The following IGSF9B variants were observed in gnomAD, a reference collection of about 807,000 sequenced individuals.
IGSF9B encodes protein turtle homolog B.
Under a neutral mutation model 143.7 loss-of-function variants are expected in IGSF9B, and 48 were observed. The observed-to-expected ratio is 0.33, with a 90% CI of 0.26 to 0.42. The LOEUF (loss-of-function observed/expected upper bound fraction) is 0.42. Among genes scored for constraint, IGSF9B ranks in the 20% least tolerant of loss-of-function variants. The pLI is 1.00. For missense variants in IGSF9B, 1,706 were observed against 1,980.0 expected (o/e 0.86, Z 2.63); for synonymous variants, 903 against 833.1 (o/e 1.08, Z -1.44).
At position 133,935,659 on chromosome 11, in the gene IGSF9B, G is replaced by A. The variant is rs1224659760; in HGVS notation, c.925C>T (p.Leu309=). ...GKYTCVPSNS[L]GRSPSASAYL... is the part of the protein sequence containing the mutation. ...GCCGAGGCGGAGGGGGAGCGCCCCA[G>A]GCTGTTGCTGGGCACACAGGTGTAC... The change falls in exon 7 of 20, where the codon CTG becomes TTG. Residue 309 remains leucine (L), a synonymous_variant. Coordinates refer to ENST00000533871, the MANE Select transcript of IGSF9B (RefSeq NM_001277285.4). The A allele has an allele frequency of 1.2e-6, 2 of 1,610,636 alleles. No homozygotes were observed. Among genetic ancestry groups the A allele is most frequent in the Admixed American group, 1.7e-5 (1 of 59,670 alleles).
intron 1 of IGSF9B, among the ~76,000 whole-genome samples, chr11:133,954,182 C>G (rs970137479): frequency 6.6e-6 from 1 of 152,084 alleles, no homozygotes; most frequent in African/African-American, 2.4e-5. Flanking sequence ...GCTGCTCACA[C>G]GAGCGGGCGC....
Position 133,931,423 on chromosome 11 carries a change from T to G in IGSF9B, c.1368+30A>C. The G allele has an allele frequency of 2.0e-6, 3 of 1,527,222 alleles. No homozygotes were observed. Among genetic ancestry groups the G allele is most frequent in the Non-Finnish European group, 2.7e-6 (3 of 1,104,892 alleles). The allele number at this position is 1,527,222 out of a possible 1,614,324, so 94.6% of individuals were successfully genotyped here. ...GGCTCCCTGGGCCCTCACACCTCCC[T>G]GCAGACCCAGGGCTCCAGGGCCCAG... is the stretch of plus-strand genomic sequence containing the variant. On this transcript the variant is annotated intron_variant, in intron 10 of 19. Coordinates refer to ENST00000533871, the MANE Select transcript of IGSF9B (RefSeq NM_001277285.4). This position sits in a 1 kb window ranked among gnomAD's most constrained non-coding sequence, Gnocchi z 7.7.
intron 13 of IGSF9B, 31 bp from the exon 14 acceptor site, chr11:133,925,996 G>C (rs186855810): frequency 6.7e-7 from 1 of 1,484,124 alleles, no homozygotes; most frequent in Middle Eastern, 1.7e-4. Flanking sequence ...GAACCACAGC[G>C]CATCAGCGAG....
intron 1 of IGSF9B, chr11:133,952,254 G>A (rs768295118): frequency 5.8e-6 from 2 of 342,394 alleles, no homozygotes; most frequent in South Asian, 4.5e-5. Flanking sequence ...TGGGGAATGG[G>A]CATAAGCTGC....
rs1287012867 is a variant in IGSF9B at position 133,905,385 on chromosome 11, GCTA to G, written c.*3681_*3683del. On this transcript the variant is annotated 3_prime_UTR_variant, in exon 20 of 20. Coordinates refer to ENST00000533871, the MANE Select transcript of IGSF9B (RefSeq NM_001277285.4). This position sits in a 1 kb window ranked among gnomAD's most constrained non-coding sequence, Gnocchi z 4.0. ...CCGTGAAATCTGTTTCTCCCTAGAA[GCTA>G]CTGTTTCGTCAACCTTGTCCCCCAC... Among the ~76,000 whole-genome samples the G allele has an allele frequency of 6.6e-6, 1 of 151,896 alleles. No homozygotes were observed. Among genetic ancestry groups the G allele is most frequent in the African/African-American group, 2.4e-5 (1 of 41,340 alleles).
intron 1 of IGSF9B, chr11:133,952,106 C>T (rs1234327330): frequency 4.4e-6 from 2 of 452,634 alleles, no homozygotes; most frequent in Middle Eastern, 6.5e-4. Flanking sequence ...CGCACTCGGA[C>T]TCTTTCTCCA....
At chr11:133,918,420 G>C (rs1055622911) in intron 18 of IGSF9B, among the ~76,000 whole-genome samples, 3 of 152,142 alleles carry the variant, frequency 2.0e-5, no homozygotes, top group African/African-American at 7.2e-5. Flanking sequence ...GCCGGAGCGT[G>C]GGGGAGGGAG....
At chr11:133,925,140 T>C (rs999874288) in intron 14 of IGSF9B, among the ~76,000 whole-genome samples, 3 of 152,140 alleles carry the variant, frequency 2.0e-5, no homozygotes, top group Non-Finnish European at 4.4e-5. Context: ...TGGGAAGAGA[T>C]ATGTACAACA....
rs1180289788 is a variant in IGSF9B, at chr11:133,901,967, AT to A, written c.*7101del. On this transcript the variant is annotated 3_prime_UTR_variant, in exon 20 of 20. Coordinates refer to ENST00000533871, the MANE Select transcript of IGSF9B (RefSeq NM_001277285.4). Reference sequence around the variant, plus strand: ...CACACATCACACACATGCACACCGCATCACACACATGCACACCAGACACATC... The same window carrying A: ...CACACATCACACACATGCACACCGCACACACACATGCACACCAGACACATC... Among the ~76,000 whole-genome samples the A allele has an allele frequency of 5.6e-5, 7 of 124,418 alleles. No individual in the cohort carries two copies. The highest frequency in any genetic ancestry group is 2.1e-4 in the African/African-American group (6 of 29,074). 81.6% of individuals were successfully genotyped at this position (124,418 alleles called of 152,430 possible). A position where few individuals can be genotyped will look rare whatever the true frequency, so the allele number is the denominator to read the frequency against.
chr11:133,927,189 G>A (rs1289412266), intron 12 of IGSF9B, 98 bp from the exon 13 acceptor site: 1 of 985,386 alleles, frequency 1.0e-6, no homozygotes, highest in Admixed American at 2.4e-5. Context: ...GAAGGCACTG[G>A]TGGGCCTGGC....
intron 15 of IGSF9B, 107 bp from the exon 16 acceptor site, chr11:133,922,837 T>C (rs1939567070): frequency 1.8e-6 from 2 of 1,112,694 alleles, no homozygotes; most frequent in Non-Finnish European, 1.3e-6. Context: ...GAACAGACAG[T>C]GTCAAGGCTC....
chr11:133,955,212 C>A (rs1315892788), intron 1 of IGSF9B, among the ~76,000 whole-genome samples: 2 of 152,154 alleles, frequency 1.3e-5, no homozygotes, highest in Non-Finnish European at 2.9e-5. Flanking sequence ...GACTGTCAAG[C>A]GCAGCCCGAT....
intron 2 of IGSF9B, 86 bp from the exon 3 acceptor site, chr11:133,944,452 G>C: frequency 7.2e-7 from 1 of 1,391,270 alleles, no homozygotes; most frequent in South Asian, 1.2e-5. Context: ...AAAGACAGGG[G>C]ACTCATCATA....
intron 1 of IGSF9B, among the ~76,000 whole-genome samples, chr11:133,947,759 TTGTC>T (rs1201023378): frequency 7.5e-6 from 1 of 133,116 alleles, no homozygotes; most frequent in Non-Finnish European, 1.7e-5. Flanking sequence ...GGATCTCTGT[TTGTC>T]TGTCTTACTG....
chr11:133,913,509 C>G lies in IGSF9B; in HGVS notation c.3984-1502G>C, dbSNP rs1939331895. 6.6e-6 allele frequency among the ~76,000 whole-genome samples: 1 copy of G among 152,198 alleles called. No homozygotes were observed. The highest frequency in any genetic ancestry group is 1.5e-5 in the Non-Finnish European group (1 of 68,034). Reference sequence around the variant, plus strand: ...CATCTTCCTGGGGGATGTCATCATTCTCTAGTCCTTTAGTCCATAAAGTTT... The same window carrying G: ...CATCTTCCTGGGGGATGTCATCATTGTCTAGTCCTTTAGTCCATAAAGTTT... On this transcript the variant is annotated intron_variant, in intron 18 of 19. Coordinates refer to ENST00000533871, the MANE Select transcript of IGSF9B (RefSeq NM_001277285.4). The surrounding 1 kb of genome is among the most constrained non-coding windows in gnomAD (Gnocchi z 4.6).
At position 133,907,322 on chromosome 11, in the gene IGSF9B, G is replaced by A. The variant is rs149010650; in HGVS notation, c.*1747C>T. On this transcript the variant is annotated 3_prime_UTR_variant, in exon 20 of 20. Transcript: ENST00000533871. ...CCAAGAAGAGACAGCAGCCATCCAA[G>A]GCCTCATCCTGCGAGGTCACTGGGC... Among the ~76,000 whole-genome samples the A allele has an allele frequency of 6.0e-3, 911 of 152,326 alleles. 4 individuals are homozygous for A. Among genetic ancestry groups the A allele is most frequent in the Non-Finnish European group, 0.01 (701 of 68,040 alleles).
At position 133,920,051 on chromosome 11, in the gene IGSF9B, C is replaced by T. The variant is rs1939487765; in HGVS notation, c.3674G>A (p.Arg1225His). The change falls in exon 18 of 20, where the codon CGC (arginine) becomes CAC (histidine). Residue 1225 changes from arginine to histidine, a missense_variant. By Grantham distance (29) the Arg-to-His change is conservative (BLOSUM62 0). This residue lies in a region of IGSF9B where 880 missense variants were observed against 762.9 expected (regional missense o/e 1.15). Coordinates refer to ENST00000533871, the MANE Select transcript of IGSF9B (RefSeq NM_001277285.4). ...SPELAARARP[R>H]PGLLQQAEMS... ...CTCTGCCTGCTGCAGGAGGCCCGGG[C>T]GAGGCCGGGCACGGGCGGCGAGCTC... is the stretch of plus-strand genomic sequence containing the variant. The T allele has an allele frequency of 1.3e-6, 2 of 1,555,376 alleles. No individual in the cohort carries two copies. Among genetic ancestry groups the T allele is most frequent in the Non-Finnish European group, 1.7e-6 (2 of 1,152,642 alleles).
chr11:133,950,441 A>G (rs887202041), intron 1 of IGSF9B, among the ~76,000 whole-genome samples: 5 of 152,222 alleles, frequency 3.3e-5, no homozygotes, highest in African/African-American at 9.6e-5. Context: ...TTGAAAAATG[A>G]GCAAACGGGG....
chr11:133,955,216 G>A (rs1309549497), intron 1 of IGSF9B, among the ~76,000 whole-genome samples: 1 of 152,124 alleles, frequency 6.6e-6, no homozygotes, highest in East Asian at 1.9e-4. Context: ...GTCAAGCGCA[G>A]CCCGATGCAC....
Sources: gnomAD v4.1 joint callset for allele counts (sites outside exome capture counted in the v4.1 genomes callset) on GRCh38, gnomAD v4.1.1 for gene constraint, gnomAD v4.1.1 regional missense constraint, Gnocchi (gnomAD v3.1) non-coding constraint, MANE v1.5 for transcripts, NCBI Gene and HGNC (gene_info 2026-07-23, HGNC 2026-07-21) for gene names.